GALNT13: variants seen among roughly 807,000 people sequenced by gnomAD.
GALNT13 encodes polypeptide N-acetylgalactosaminyltransferase 13.
In GALNT13, 28 loss-of-function variants were observed where a neutral mutation model predicts 64.2. The ratio of observed to expected loss-of-function variants is 0.44; its 90% CI spans 0.32 to 0.60. The LOEUF (loss-of-function observed/expected upper bound fraction) is 0.60, where lower values mean the gene tolerates loss of function less well. Ranked by LOEUF, GALNT13 falls within the 20% of genes least tolerant of loss-of-function variation. The pLI is 0.05. For missense variants in GALNT13, 577 were observed against 669.8 expected (o/e 0.86, Z 1.53); for synonymous variants, 214 against 224.6 (o/e 0.95, Z 0.42).
chr2:153,598,730 T>G, the GALNT13 span, among the ~76,000 whole-genome samples: 3 of 152,068 alleles, frequency 2.0e-5, no homozygotes, highest in Admixed American at 6.6e-5. Context: ...AATACTTTAT[T>G]CCTGAGTTAT....
chr2:154,204,500 A>C (rs1209573507), intron 4 of GALNT13, among the ~76,000 whole-genome samples: 1 of 152,170 alleles, frequency 6.6e-6, no homozygotes. Flanking sequence ...AGAGGACTTT[A>C]ATATTTTTTA....
At chr2:153,951,614 T>A (rs992688243) in intron 3 of GALNT13, among the ~76,000 whole-genome samples, 5 of 152,126 alleles carry the variant, frequency 3.3e-5, no homozygotes, top group Non-Finnish European at 2.9e-5. Context: ...TGATCCAATT[T>A]CCTGAGAGAA....
At chr2:153,797,076 T>C in the GALNT13 span, among the ~76,000 whole-genome samples, 1 of 152,226 alleles carries the variant, frequency 6.6e-6, no homozygotes, top group African/African-American at 2.4e-5. Context: ...GAGTTAATAA[T>C]GCATTTAATG....
chr2:153,525,294 C>T, the GALNT13 span, among the ~76,000 whole-genome samples: 8 of 152,192 alleles, frequency 5.3e-5, no homozygotes, highest in African/African-American at 1.9e-4. Context: ...GACTTACTGG[C>T]TTCAGGTGAG....
chr2:153,711,031 T>C, the GALNT13 span, among the ~76,000 whole-genome samples: 2 of 152,080 alleles, frequency 1.3e-5, no homozygotes, highest in East Asian at 3.8e-4. Flanking sequence ...GTAAAAACAT[T>C]TGACTTTAAA....
chr2:153,169,431 AG>A, the GALNT13 span, among the ~76,000 whole-genome samples: 4 of 152,344 alleles, frequency 2.6e-5, no homozygotes, highest in Middle Eastern at 0.01. Context: ...GATTGAAATA[AG>A]ATGAAGAATC....
rs576898024 is a variant in GALNT13 at position 154,420,337 on chromosome 2, A to T, written c.1395+11255A>T. Among the ~76,000 whole-genome samples the T allele has an allele frequency of 9.2e-5, 14 of 152,224 alleles. No homozygotes were observed. The South Asian group carries it at 2.9e-3, about 32-fold the overall frequency. On this transcript the variant is annotated intron_variant, in intron 11 of 12. Coordinates refer to ENST00000392825, the MANE Select transcript of GALNT13 (RefSeq NM_052917.4). ...CAGATGGACTGCAAGCTCTCTGCTGACTTTACCAAGATGAATTTGTCTCCA... is the reference window on the plus strand; with the variant it reads ...CAGATGGACTGCAAGCTCTCTGCTGTCTTTACCAAGATGAATTTGTCTCCA...
chr2:153,531,684 C>T, the GALNT13 span, among the ~76,000 whole-genome samples: 9 of 152,222 alleles, frequency 5.9e-5, no homozygotes, highest in East Asian at 1.7e-3. Flanking sequence ...TTCCTTTTGC[C>T]TATGAGCCTG....
At chr2:154,152,995 A>G (rs1684148625) in intron 4 of GALNT13, among the ~76,000 whole-genome samples, 1 of 152,084 alleles carries the variant, frequency 6.6e-6, no homozygotes, top group African/African-American at 2.4e-5. Context: ...CCTTTGGAGG[A>G]GGAGAGGCGC....
the GALNT13 span, among the ~76,000 whole-genome samples, chr2:153,637,108 T>C: frequency 6.6e-6 from 1 of 152,158 alleles, no homozygotes; most frequent in Admixed American, 6.6e-5. Context: ...AGCTCCATTT[T>C]ACCTGATTAA....
At chr2:153,924,642 T>G (rs1345754456) in intron 2 of GALNT13, among the ~76,000 whole-genome samples, 3 of 152,208 alleles carry the variant, frequency 2.0e-5, no homozygotes, top group Non-Finnish European at 4.4e-5. Flanking sequence ...CCATACTGCC[T>G]TCCACAATGG....
the GALNT13 span, among the ~76,000 whole-genome samples, chr2:153,161,736 G>C: frequency 6.6e-6 from 1 of 152,056 alleles, no homozygotes; most frequent in East Asian, 1.9e-4. Context: ...GTTAGAGAAG[G>C]ACTGGGCTCA....
At chr2:153,595,324 A>G in the GALNT13 span, among the ~76,000 whole-genome samples, 1 of 151,920 alleles carries the variant, frequency 6.6e-6, no homozygotes, top group South Asian at 2.1e-4. Context: ...AAAAATGAAG[A>G]TTAAAAATTA....
intron 2 of GALNT13, among the ~76,000 whole-genome samples, chr2:153,930,468 G>T (rs1690441270): frequency 6.6e-6 from 1 of 152,106 alleles, no homozygotes. Context: ...TTTAGGTTTT[G>T]CATTTAAGTC....
At chr2:153,864,704 G>A in the GALNT13 span, among the ~76,000 whole-genome samples, 36 of 151,592 alleles carry the variant, frequency 2.4e-4, no homozygotes, top group Middle Eastern at 3.4e-3. Context: ...TGGGTAGGAA[G>A]AATCAATATC....
chr2:153,104,920 T>C, the GALNT13 span, among the ~76,000 whole-genome samples: 1 of 152,042 alleles, frequency 6.6e-6, no homozygotes, highest in Non-Finnish European at 1.5e-5. Context: ...AGTTTTAGGG[T>C]ACATGTGCAC....
chr2:154,272,357 T>C (rs1691400043), intron 8 of GALNT13, among the ~76,000 whole-genome samples: 1 of 152,030 alleles, frequency 6.6e-6, no homozygotes, highest in Non-Finnish European at 1.5e-5. Flanking sequence ...CAGGAATACC[T>C]GGCTTTTTAG....
chr2:153,843,105 G>A, the GALNT13 span, among the ~76,000 whole-genome samples: 2 of 152,108 alleles, frequency 1.3e-5, no homozygotes, highest in Admixed American at 6.6e-5. Flanking sequence ...AAGCTTAAGA[G>A]ATATATTAGG....
At chr2:154,334,027 C>G (rs1695306768) in intron 9 of GALNT13, among the ~76,000 whole-genome samples, 1 of 152,044 alleles carries the variant, frequency 6.6e-6, no homozygotes, top group Non-Finnish European at 1.5e-5. Context: ...ATCACACAGG[C>G]AGTCGTTTAT....
Sources: allele counts gnomAD v4.1 joint callset (sites outside exome capture counted in the v4.1 genomes callset), GRCh38; gene constraint gnomAD v4.1.1; transcripts MANE v1.5; gene names NCBI Gene and HGNC (gene_info 2026-07-23, HGNC 2026-07-21).